Variants in HNRNPL observed in about 807,000 individuals in gnomAD.
HNRNPL encodes heterogeneous nuclear ribonucleoprotein L, also known as epididymis secretory sperm binding protein.
In HNRNPL, 12 loss-of-function variants were observed where a neutral mutation model predicts 64.0. That is an observed-to-expected ratio of 0.19 (90% CI 0.12 to 0.30). The LOEUF is 0.30. Among genes scored for constraint, HNRNPL ranks in the 10% least tolerant of loss-of-function variants. The pLI is 1.00. For missense variants in HNRNPL, 484 were observed against 797.4 expected (o/e 0.61, Z 4.73); for synonymous variants, 385 against 313.0 (o/e 1.23, Z -2.43).
chr19:38,851,422 C>T (rs934448778), upstream of HNRNPL, among the ~76,000 whole-genome samples: 1 of 152,092 alleles, frequency 6.6e-6, no homozygotes, highest in Admixed American at 6.6e-5. Flanking sequence ...GGGCTGCCCG[C>T]GCAGGGTGTG....
intron 9 of HNRNPL, 44 bp downstream of exon 9, chr19:38,838,850 C>G: frequency 6.2e-7 from 1 of 1,612,876 alleles, no homozygotes; most frequent in Non-Finnish European, 8.5e-7. Flanking sequence ...CCCTCCTTTT[C>G]TCTCCCCTGT....
At chr19:38,838,283 A>C in intron 10 of HNRNPL, 114 bp downstream of exon 10, 1 of 823,954 alleles carries the variant, frequency 1.2e-6, no homozygotes, top group South Asian at 1.6e-5. Flanking sequence ...CACTCAACCC[A>C]GGGCCAGGCA....
In HNRNPL at chr19:38,849,887, C is replaced by G; in HGVS notation, c.80G>C (p.Arg27Thr). ...CATCTTCACCATCGCTCCCGACCGC[C>G]TCCGCTGCTCGTCCGGCTGCTGCCT... Reference protein sequence around the residue: ...EQRQQPDEQRRRSGAMVKMAA... With the variant: ...EQRQQPDEQRTRSGAMVKMAA... Residue 27 changes from arginine (R) to threonine (T), a missense_variant, in exon 1 of 13, where the codon AGG (arginine) becomes ACG (threonine). This residue lies in a region of HNRNPL where 190 missense variants were observed against 160.1 expected (regional missense o/e 1.19). Transcript: ENST00000221419. 4.8e-6 allele frequency: 6 copies of G among 1,246,132 alleles called. No individual in the cohort carries two copies. Among genetic ancestry groups the G allele is most frequent in the Non-Finnish European group, 6.8e-6 (6 of 885,010 alleles). 77.2% of individuals were successfully genotyped at this position (1,246,132 alleles called of 1,614,324 possible).
At chr19:38,847,659 C>T in intron 1 of HNRNPL, 1 of 316,296 alleles carries the variant, frequency 3.2e-6, no homozygotes, top group Non-Finnish European at 5.8e-6. Flanking sequence ...CTGGCTCTTG[C>T]TGTAGCTTCT....
At chr19:38,849,504 G>A (rs1972426412) in intron 1 of HNRNPL, 196 bp downstream of exon 1, 1 of 721,464 alleles carries the variant, frequency 1.4e-6, no homozygotes, top group Non-Finnish European at 1.9e-6. Flanking sequence ...CCCCGCTCCG[G>A]ACCCCGCGCA....
At chr19:38,847,534 G>C in intron 1 of HNRNPL, 100 bp from the exon 2 acceptor site, 1 of 608,494 alleles carries the variant, frequency 1.6e-6, no homozygotes, top group East Asian at 3.1e-5. Context: ...AAAACAGTTG[G>C]AGGTCATCCG....
chr19:38,844,220 T>C (rs781000802), intron 4 of HNRNPL, 116 bp from the exon 5 acceptor site: 7 of 694,710 alleles, frequency 1.0e-5, no homozygotes, highest in Admixed American at 9.4e-5. Flanking sequence ...GACGGAAGCT[T>C]TGGGATTAGC....
rs371221066 is a variant in HNRNPL, at chr19:38,849,885, G to A, written c.82C>T (p.Arg28Trp). 3.3e-6 allele frequency: 4 copies of A among 1,228,676 alleles called. No individual in the cohort carries two copies. The highest frequency in any genetic ancestry group is 3.8e-5 in the Admixed American group (2 of 53,174). 76.1% of individuals were successfully genotyped at this position (1,228,676 alleles called of 1,614,324 possible). A position where few individuals can be genotyped will look rare whatever the true frequency, so the allele number is the denominator to read the frequency against. ...GCCATCTTCACCATCGCTCCCGACC[G>A]CCTCCGCTGCTCGTCCGGCTGCTGC... The part of the protein sequence containing the change: ...QRQQPDEQRR[R>W]SGAMVKMAAA... Residue 28 changes from arginine (R) to tryptophan (W), a missense_variant, in exon 1 of 13, where the codon CGG (arginine) becomes TGG (tryptophan). By Grantham distance (101) the Arg-to-Trp change is moderately radical (BLOSUM62 -3). Coordinates refer to ENST00000221419, the MANE Select transcript of HNRNPL (RefSeq NM_001533.3).
intron 6 of HNRNPL, among the ~76,000 whole-genome samples, chr19:38,842,873 G>C (rs369629657): frequency 6.6e-4 from 100 of 152,330 alleles, no homozygotes; most frequent in African/African-American, 2.2e-3. Flanking sequence ...AGAAATGGTT[G>C]TTGCCATGTT....
chr19:38,849,992 G>A, upstream of HNRNPL: 1 of 1,320,144 alleles, frequency 7.6e-7, no homozygotes. Context: ...GCCTCCCCCC[G>A]CCTCTCATTG....
chr19:38,844,552 G>A (rs1223418908), intron 4 of HNRNPL, among the ~76,000 whole-genome samples: 2 of 151,996 alleles, frequency 1.3e-5, no homozygotes, highest in East Asian at 1.9e-4. Flanking sequence ...CCGTCTGCTT[G>A]CCAGCCACTT....
chr19:38,850,007 A>G, upstream of HNRNPL: 1 of 1,307,784 alleles, frequency 7.6e-7, no homozygotes, highest in Non-Finnish European at 9.8e-7. Flanking sequence ...TCATTGGGGG[A>G]GGGACACGCC....
At chr19:38,848,917 G>A (rs1024864463) in intron 1 of HNRNPL, among the ~76,000 whole-genome samples, 6 of 152,192 alleles carry the variant, frequency 3.9e-5, no homozygotes, top group African/African-American at 4.8e-5. Context: ...AGGCGGCCCT[G>A]TAAGACTTCA....
At chr19:38,848,537 C>G (rs972392927) in intron 1 of HNRNPL, among the ~76,000 whole-genome samples, 1 of 152,242 alleles carries the variant, frequency 6.6e-6, no homozygotes, top group Admixed American at 6.5e-5. Flanking sequence ...CTCCTGGGCT[C>G]TGGGGCCGGC....
chr19:38,843,648 A>C, intron 6 of HNRNPL, 194 bp downstream of exon 6: 1 of 597,536 alleles, frequency 1.7e-6, no homozygotes, highest in Non-Finnish European at 3.0e-6. Flanking sequence ...GGAGGGCCCC[A>C]AGCAGCAGTG....
chr19:38,841,013 T>TTAG (rs1972099427), intron 6 of HNRNPL: 1 of 197,962 alleles, frequency 5.1e-6, no homozygotes, highest in South Asian at 8.0e-5. Context: ...GCCCCCAAAG[T>TTAG]TCTAGGAGCT....
intron 4 of HNRNPL, among the ~76,000 whole-genome samples, chr19:38,844,523 T>C (rs941933549): frequency 6.6e-6 from 1 of 152,090 alleles, no homozygotes; most frequent in African/African-American, 2.4e-5. Context: ...AAAAGCTTCT[T>C]CCAATGTCTA....
At chr19:38,839,239 T>TC in intron 8 of HNRNPL, 1 of 535,722 alleles carries the variant, frequency 1.9e-6, no homozygotes, top group Non-Finnish European at 3.4e-6. Context: ...CACCAGTAAA[T>TC]CATTTAGTGA....
At chr19:38,846,769 G>A (rs1274943638) in intron 2 of HNRNPL, among the ~76,000 whole-genome samples, 1 of 152,136 alleles carries the variant, frequency 6.6e-6, no homozygotes, top group Admixed American at 6.5e-5. Context: ...TTAGCCGGGT[G>A]GGGTGGCCAG....
Sources: gnomAD v4.1 joint callset for allele counts (sites outside exome capture counted in the v4.1 genomes callset) on GRCh38, gnomAD v4.1.1 for gene constraint, gnomAD v4.1.1 regional missense constraint, MANE v1.5 for transcripts, NCBI Gene and HGNC (gene_info 2026-07-23, HGNC 2026-07-21) for gene names.